Variants in TYW3 observed in about 807,000 individuals in gnomAD.
TYW3 encodes tRNA-yW synthesizing protein 3 homolog, also known as tRNA wybutosine-synthesizing protein 3 homolog.
TYW3 carries 26 observed loss-of-function variants against 23.1 expected under a neutral mutation model. The observed-to-expected ratio is 1.13, with a 90% CI of 0.83 to 1.56. The LOEUF (loss-of-function observed/expected upper bound fraction) is 1.56, where lower values mean the gene tolerates loss of function less well. Ranked by LOEUF, TYW3 falls within the 40% of genes most tolerant of loss-of-function variation. The pLI is 0.00. For synonymous variants in TYW3, 102 were observed against 105.7 expected, an observed-to-expected ratio of 0.97 and a Z score of 0.21; for missense variants, 316 against 311.9, an observed-to-expected ratio of 1.01 and a Z score of -0.10.
intron 5 of TYW3, among the ~76,000 whole-genome samples, chr1:74,763,535 T>C (rs1009672342): frequency 5.9e-5 from 9 of 152,156 alleles, no homozygotes; most frequent in African/African-American, 2.2e-4. Context: ...TTTCTAGTTA[T>C]GTAGAGGTGA....
At chr1:74,745,024 G>T (rs1648507295) in intron 3 of TYW3, among the ~76,000 whole-genome samples, 1 of 151,300 alleles carries the variant, frequency 6.6e-6, no homozygotes. Context: ...TGTTCCTCCT[G>T]GTGGGTTCGT....
chr1:74,758,139 G>A (rs1047443587), intron 5 of TYW3, among the ~76,000 whole-genome samples: 2 of 152,152 alleles, frequency 1.3e-5, no homozygotes, highest in Non-Finnish European at 2.9e-5. Context: ...TCCTGCTTGT[G>A]ATGTTTCTTC....
Position 74,765,291 on chromosome 1 carries a change from G to A in TYW3, c.*1178G>A, listed in dbSNP as rs1021373107. The A allele has an allele frequency of 6.6e-6, 1 of 152,132 alleles. No homozygotes were observed. Among genetic ancestry groups the A allele is most frequent in the African/African-American group, 2.4e-5 (1 of 41,440 alleles). The allele number at this position is 152,132 out of a possible 1,614,324, so 9.4% of individuals were successfully genotyped here. A position where few individuals can be genotyped will look rare whatever the true frequency, so the allele number is the denominator to read the frequency against. On this transcript the variant is annotated 3_prime_UTR_variant, in exon 6 of 6. Coordinates refer to ENST00000370867, the MANE Select transcript of TYW3 (RefSeq NM_138467.3). ...TGTACCTGTGCCAGGGATTTCATGTGTACACTTTATAGGAGAATAAGCAAG... is the reference window on the plus strand; with the variant it reads ...TGTACCTGTGCCAGGGATTTCATGTATACACTTTATAGGAGAATAAGCAAG...
chr1:74,740,690 A>G (rs569960462), intron 3 of TYW3, among the ~76,000 whole-genome samples: 3 of 152,300 alleles, frequency 2.0e-5, no homozygotes, highest in African/African-American at 7.2e-5. Context: ...GCATTTTTAC[A>G]GAGTGCTGAT....
chr1:74,752,296 T>C lies in TYW3; in HGVS notation c.431T>C (p.Val144Ala). 1.2e-6 allele frequency: 2 copies of C among 1,605,924 alleles called. No individual in the cohort carries two copies. The highest frequency in any genetic ancestry group is 1.7e-6 in the Non-Finnish European group (2 of 1,176,210). Reference protein sequence around the residue: ...VGKRGKTMLAVRSTHGLEVPL... With the variant: ...VGKRGKTMLAARSTHGLEVPL... ...TAAATTGTTTTTTCCTTGTAGGCTG[T>C]CCGGAGTACACATGGCTTAGAAGTT... The change falls in exon 5 of 6, where the codon GTC becomes GCC. Residue 144 changes from valine to alanine, a missense_variant. Coordinates refer to ENST00000370867, the MANE Select transcript of TYW3 (RefSeq NM_138467.3).
Position 74,763,892 on chromosome 1 carries a change from A to G in TYW3, c.561-2A>G, listed in dbSNP as rs749488234. ...ATAATAGTAGTACTTATTTCTTCAC[A>G]GGTTTTACAACTGCCTACAGCATGC... On this transcript the variant is annotated splice_acceptor_variant, in intron 5 of 5. Coordinates refer to ENST00000370867, the MANE Select transcript of TYW3 (RefSeq NM_138467.3). LOFTEE classifies it high-confidence loss of function. The G allele has an allele frequency of 1.9e-6, 3 of 1,586,164 alleles. No individual in the cohort carries two copies. In the South Asian group the frequency reaches 3.5e-5, roughly 19 times the overall value.
chr1:74,760,875 G>A (rs1485061410), intron 5 of TYW3, among the ~76,000 whole-genome samples: 2 of 152,212 alleles, frequency 1.3e-5, no homozygotes, highest in African/African-American at 4.8e-5. Context: ...CCAGCTTTCT[G>A]TTGAAAGTGG....
chr1:74,733,638 A>C (rs776553429), intron 1 of TYW3: 9 of 855,392 alleles, frequency 1.1e-5, no homozygotes, highest in Non-Finnish European at 1.3e-5. Flanking sequence ...ACAGATCCCG[A>C]TTCTTTAAGT....
intron 1 of TYW3, among the ~76,000 whole-genome samples, chr1:74,734,841 C>T (rs1356422006): frequency 6.6e-6 from 1 of 152,160 alleles, no homozygotes; most frequent in South Asian, 2.1e-4. Flanking sequence ...GTGCCTGGCC[C>T]ATGCACTGTA....
At position 74,764,310 on chromosome 1, in the gene TYW3, C is replaced by T. The variant is rs942597574; in HGVS notation, c.*197C>T. 6 of 467,864 alleles carry T rather than the reference C, an allele frequency of 1.3e-5. No individual in the cohort carries two copies. The highest frequency in any genetic ancestry group is 4.2e-5 in the South Asian group (1 of 24,032). 29.0% of individuals were successfully genotyped at this position (467,864 alleles called of 1,614,324 possible). ...AAGCTCTCAGCAGTACCCGGCTTAT[C>T]CTACGACTTCACCTGAAATGCTATA... On this transcript the variant is annotated 3_prime_UTR_variant, in exon 6 of 6. Transcript: ENST00000370867.
intron 5 of TYW3, among the ~76,000 whole-genome samples, chr1:74,758,071 G>A (rs753351509): frequency 3.9e-5 from 6 of 152,288 alleles, no homozygotes; most frequent in Non-Finnish European, 5.9e-5. Context: ...TGAATGGTTC[G>A]GTTTACCTAG....
At chr1:74,741,193 A>C (rs752493910) in intron 3 of TYW3, among the ~76,000 whole-genome samples, 19 of 152,210 alleles carry the variant, frequency 1.2e-4, no homozygotes, top group Non-Finnish European at 2.9e-5. Flanking sequence ...AAAGGATTCC[A>C]TTAAAGGGGT....
intron 4 of TYW3, among the ~76,000 whole-genome samples, chr1:74,750,858 A>G (rs1417918422): frequency 8.4e-6 from 1 of 118,894 alleles, no homozygotes; most frequent in Non-Finnish European, 1.6e-5. Flanking sequence ...CCCAGACTGT[A>G]GTGCAATGTC....
Position 74,763,976 on chromosome 1 carries a change from T to A in TYW3, c.643T>A (p.Ser215Thr). 1 of 1,610,766 alleles carries A rather than the reference T, an allele frequency of 6.2e-7. No homozygotes were observed. The highest frequency in any genetic ancestry group is 8.5e-7 in the Non-Finnish European group (1 of 1,179,052). The change falls in exon 6 of 6, where the codon TCA becomes ACA. Residue 215 changes from serine (S) to threonine (T), a missense_variant. Transcript: ENST00000370867. ...CAAGATCAAAGAGAAAAATAACTCA[T>A]CATATATTCATAAGAAAAAAAGAAA... ...HPKIKEKNNS[S>T]YIHKKKRNPE...
chr1:74,761,016 A>G (rs1275971880), intron 5 of TYW3, among the ~76,000 whole-genome samples: 1 of 151,564 alleles, frequency 6.6e-6, no homozygotes, highest in Non-Finnish European at 1.5e-5. Flanking sequence ...ACTGAAGGCT[A>G]TTTGCTTTTC....
At chr1:74,753,633 A>T (rs1648862362) in intron 5 of TYW3, among the ~76,000 whole-genome samples, 1 of 152,232 alleles carries the variant, frequency 6.6e-6, no homozygotes, top group Non-Finnish European at 1.5e-5. Flanking sequence ...TATCTTAAAG[A>T]ATAATTATTA....
At chr1:74,738,660 T>G in intron 2 of TYW3, 30 bp from the exon 3 acceptor site, 1 of 1,535,832 alleles carries the variant, frequency 6.5e-7, no homozygotes, top group Non-Finnish European at 8.9e-7. Context: ...GCCATATACT[T>G]GCATCTGATA....
intron 3 of TYW3, among the ~76,000 whole-genome samples, chr1:74,739,917 A>G (rs745603098): frequency 6.6e-5 from 10 of 152,206 alleles, no homozygotes; most frequent in Non-Finnish European, 1.3e-4. Context: ...TGTCTGGGGA[A>G]GGACAGCCAG....
In TYW3 at chr1:74,765,337, C is replaced by G. The variant is rs1649267519; in HGVS notation, c.*1224C>G. On this transcript the variant is annotated 3_prime_UTR_variant, in exon 6 of 6. Transcript: ENST00000370867. The stretch of plus-strand genomic sequence containing the variant: ...GCAAGAGCTTAGGTAAGTTATAGTC[C>G]TTACCATTGGGTCTAAGGCAGTTTC... 1 of 152,120 alleles carries G rather than the reference C, an allele frequency of 6.6e-6. No homozygotes were observed. The highest frequency in any genetic ancestry group is 1.5e-5 in the Non-Finnish European group (1 of 68,036). 9.4% of individuals were successfully genotyped at this position (152,120 alleles called of 1,614,324 possible). A position where few individuals can be genotyped will look rare whatever the true frequency, so the allele number is the denominator to read the frequency against.
Sources: allele counts gnomAD v4.1 joint callset (sites outside exome capture counted in the v4.1 genomes callset), GRCh38; gene constraint gnomAD v4.1.1; transcripts MANE v1.5; gene names NCBI Gene and HGNC (gene_info 2026-07-23, HGNC 2026-07-21).